FAM184A: variants seen among roughly 807,000 people sequenced by gnomAD.
FAM184A encodes the protein protein FAM184A.
Under a neutral mutation model 143.8 loss-of-function variants are expected in FAM184A, and 99 were observed. The observed-to-expected ratio is 0.69, with a 90% confidence interval of 0.58 to 0.81. The LOEUF is 0.81. Among genes scored for constraint, FAM184A ranks in the 40% least tolerant of loss-of-function variants. The pLI is 0.00. For synonymous variants in FAM184A, 427 were observed against 446.4 expected, an observed-to-expected ratio of 0.96 and a Z score of 0.55; for missense variants, 1,217 against 1,310.5, an observed-to-expected ratio of 0.93 and a Z score of 1.10.
In FAM184A at chr6:119,139,805, G is replaced by A. The variant is rs144327453; in HGVS notation, c.-202+9273C>T. Among the ~76,000 whole-genome samples, 10 of 152,284 alleles carry A rather than the reference G, an allele frequency of 6.6e-5. No homozygotes were observed. In the East Asian group the frequency reaches 9.6e-4, roughly 15 times the overall value. Reference sequence around the variant, plus strand: ...AAAAGAAGCAAAGGGTTGTCTTCACGTCCTCTTTTTTTTCCTTCGAGCAAA... The same window carrying A: ...AAAAGAAGCAAAGGGTTGTCTTCACATCCTCTTTTTTTTCCTTCGAGCAAA... On this transcript the variant is annotated intron_variant, in intron 1 of 16. Transcript: ENST00000352896.
intron 1 of FAM184A, among the ~76,000 whole-genome samples, chr6:119,062,276 C>A (rs1787288255): frequency 6.6e-6 from 1 of 152,160 alleles, no homozygotes; most frequent in African/African-American, 2.4e-5. Flanking sequence ...GTGCTTAACA[C>A]AATAACGCAC....
chr6:119,018,716 T>C (rs1363546546), intron 4 of FAM184A, among the ~76,000 whole-genome samples: 1 of 152,152 alleles, frequency 6.6e-6, no homozygotes, highest in Non-Finnish European at 1.5e-5. Flanking sequence ...GTTGTGACTA[T>C]AATCCAGGCA....
chr6:119,013,392 T>C (rs1248284676), intron 5 of FAM184A, among the ~76,000 whole-genome samples: 1 of 152,158 alleles, frequency 6.6e-6, no homozygotes, highest in South Asian at 2.1e-4. Context: ...ATATGCAATT[T>C]AAATATTCCA....
intron 9 of FAM184A, among the ~76,000 whole-genome samples, chr6:118,992,053 C>T (rs984655381): frequency 3.3e-5 from 5 of 151,836 alleles, no homozygotes; most frequent in Non-Finnish European, 7.4e-5. Context: ...TATGAGCCAG[C>T]GCACCCAGCC....
intron 17 of FAM184A, among the ~76,000 whole-genome samples, chr6:118,961,025 G>A (rs889500429): frequency 6.6e-6 from 1 of 151,900 alleles, no homozygotes; most frequent in Non-Finnish European, 1.5e-5. Flanking sequence ...TACTTTGTAA[G>A]ACTATTACTA....
At chr6:119,123,582 G>A (rs1242705065) in intron 1 of FAM184A, among the ~76,000 whole-genome samples, 2 of 152,238 alleles carry the variant, frequency 1.3e-5, no homozygotes, top group African/African-American at 4.8e-5. Flanking sequence ...AGGGAAGAAA[G>A]CCCAATCATG....
chr6:119,027,636 G>A (rs1785704424), intron 1 of FAM184A, among the ~76,000 whole-genome samples: 1 of 152,134 alleles, frequency 6.6e-6, no homozygotes, highest in Non-Finnish European at 1.5e-5. Context: ...TAAACGAAAA[G>A]GTAGCAGAAC....
intron 1 of FAM184A, among the ~76,000 whole-genome samples, chr6:119,112,814 T>C (rs145445675): frequency 1.9e-3 from 286 of 152,306 alleles, no homozygotes; most frequent in African/African-American, 6.5e-3. Context: ...AGTTAAAATA[T>C]GAGGAAAGTT....
At chr6:118,972,098 C>T (rs997567090) in intron 14 of FAM184A, among the ~76,000 whole-genome samples, 6 of 152,208 alleles carry the variant, frequency 3.9e-5, no homozygotes, top group Admixed American at 2.0e-4. Flanking sequence ...AACCAACTCT[C>T]CCTGCTCACT....
chr6:118,961,012 G>A, intron 17 of FAM184A: 1 of 270,332 alleles, frequency 3.7e-6, no homozygotes, highest in Non-Finnish European at 7.6e-6. Flanking sequence ...AAAAAAACCT[G>A]CCTACTTTGT....
intron 15 of FAM184A, 136 bp downstream of exon 15, chr6:118,966,699 A>G (rs1043826525): frequency 4.6e-6 from 2 of 432,998 alleles, no homozygotes; most frequent in Non-Finnish European, 4.1e-6. Context: ...AAACATTTCA[A>G]TGAACTTTCA....
Position 118,964,675 on chromosome 6 carries a change from A to T in FAM184A, c.3130T>A (p.Leu1044Met). The stretch of plus-strand genomic sequence containing the variant: ...GTGTTTACGGCACATACCTTAGCCA[A>T]TGGATTAATAACACCAACAGTAGGA... Reference protein sequence around the residue: ...SSPTVGVINPLAKQKKKNDKS... With the variant: ...SSPTVGVINPMAKQKKKNDKS... Residue 1044 changes from leucine (L) to methionine (M), a missense_variant, in exon 16 of 18, where the codon TTG (leucine) becomes ATG (methionine). Physicochemically the swap from Leu to Met is conservative, Grantham distance 15 (BLOSUM62 2). Transcript: ENST00000338891. The T allele has an allele frequency of 6.3e-7, 1 of 1,583,800 alleles. No individual in the cohort carries two copies. The highest frequency in any genetic ancestry group is 8.7e-7 in the Non-Finnish European group (1 of 1,155,196).
intron 1 of FAM184A, among the ~76,000 whole-genome samples, chr6:119,112,156 A>G (rs1223558944): frequency 2.0e-5 from 3 of 147,112 alleles, no homozygotes; most frequent in African/African-American, 7.6e-5. Context: ...TTTCAGGTGT[A>G]GTTTCACTCT....
intron 2 of FAM184A, 107 bp downstream of exon 2, chr6:119,023,852 G>T: frequency 2.6e-6 from 2 of 767,454 alleles, no homozygotes; most frequent in African/African-American, 1.8e-5. Flanking sequence ...AGTCTAAGTG[G>T]TGTGAAGCCA....
intron 1 of FAM184A, among the ~76,000 whole-genome samples, chr6:119,059,639 G>T (rs1417770260): frequency 6.6e-6 from 1 of 151,958 alleles, no homozygotes; most frequent in African/African-American, 2.4e-5. Flanking sequence ...TCCAATCTAT[G>T]TCTAAATTAG....
chr6:119,095,869 A>T (rs1484881450), intron 1 of FAM184A, among the ~76,000 whole-genome samples: 1 of 152,012 alleles, frequency 6.6e-6, no homozygotes, highest in Non-Finnish European at 1.5e-5. Flanking sequence ...AGGTTTTTCT[A>T]TTTTTTTGTG....
intron 16 of FAM184A, 162 bp from the exon 17 acceptor site, chr6:118,962,125 C>A: frequency 1.6e-6 from 1 of 641,572 alleles, no homozygotes; most frequent in Non-Finnish European, 2.7e-6. Context: ...TCTGGGAATC[C>A]TTGGAGGTAT....
rs1785036197 is a variant in FAM184A at position 119,009,803 on chromosome 6, T to C, written c.1653+1506A>G. Among the ~76,000 whole-genome samples the C allele has an allele frequency of 1.3e-5, 2 of 152,224 alleles. 1 individual carries two copies. The highest frequency in any genetic ancestry group is 1.3e-4 in the Admixed American group (2 of 15,280). ...GTAGGGACCATGTCTGACTGACTTA[T>C]CACTGAAACCGCAGTGTGTAACAGT... is the stretch of plus-strand genomic sequence containing the variant. On this transcript the variant is annotated intron_variant, in intron 6 of 17. Coordinates refer to ENST00000338891, the MANE Select transcript of FAM184A (RefSeq NM_024581.6).
chr6:118,973,005 G>C (rs559566914), intron 14 of FAM184A, among the ~76,000 whole-genome samples: 1 of 152,328 alleles, frequency 6.6e-6, no homozygotes, highest in Admixed American at 6.5e-5. Flanking sequence ...CAAACTCAGA[G>C]TGACCAGGGA....
Sources: allele counts gnomAD v4.1 joint callset (sites outside exome capture counted in the v4.1 genomes callset), GRCh38; gene constraint gnomAD v4.1.1; transcripts MANE v1.5; gene names NCBI Gene and HGNC (gene_info 2026-07-23, HGNC 2026-07-21).